The following GPC5 variants were observed in gnomAD, a reference collection of about 807,000 sequenced individuals.
GPC5 encodes glypican 5, also known as glypican-5.
GPC5 carries 47 observed loss-of-function variants against 53.9 expected under a neutral mutation model. The ratio of observed to expected loss-of-function variants is 0.87; its 90% CI spans 0.69 to 1.11. The LOEUF (loss-of-function observed/expected upper bound fraction) is 1.11. GPC5 is among the 50% of genes most tolerant of loss of function. GPC5 has a pLI of 0.00. For synonymous variants in GPC5, 286 were observed against 263.3 expected (o/e 1.09, Z -0.84); for missense variants, 748 against 713.1 (o/e 1.05, Z -0.56).
At chr13:91,629,151 C>T (rs2034089399) in intron 2 of GPC5, among the ~76,000 whole-genome samples, 2 of 152,090 alleles carry the variant, frequency 1.3e-5, no homozygotes, top group Non-Finnish European at 2.9e-5. Flanking sequence ...TTCTGGTTCA[C>T]ACTGAAGCAG....
chr13:91,536,257 C>T (rs1410020593), intron 2 of GPC5, among the ~76,000 whole-genome samples: 1 of 152,036 alleles, frequency 6.6e-6, no homozygotes, highest in Non-Finnish European at 1.5e-5. Context: ...GGAAATGAAC[C>T]AGTGGTTTTC....
At chr13:92,189,681 C>A (rs1397609807) in intron 7 of GPC5, among the ~76,000 whole-genome samples, 1 of 150,996 alleles carries the variant, frequency 6.6e-6, no homozygotes, top group South Asian at 2.1e-4. Context: ...TTGGGCCAGG[C>A]ATTTTTTTTT....
intron 6 of GPC5, among the ~76,000 whole-genome samples, chr13:92,112,372 G>A (rs1327887531): frequency 6.6e-6 from 1 of 152,118 alleles, no homozygotes; most frequent in Non-Finnish European, 1.5e-5. Context: ...TAGTAAGGAA[G>A]TAGATTAAGA....
At chr13:92,724,255 A>C (rs1484943637) in intron 7 of GPC5, among the ~76,000 whole-genome samples, 1 of 151,682 alleles carries the variant, frequency 6.6e-6, no homozygotes, top group Non-Finnish European at 1.5e-5. Flanking sequence ...AGCAAGCTAT[A>C]AGAGAATTTA....
chr13:92,525,146 C>T (rs1881223170), intron 7 of GPC5, among the ~76,000 whole-genome samples: 1 of 151,990 alleles, frequency 6.6e-6, no homozygotes, highest in South Asian at 2.1e-4. Context: ...CTCTGTAGCC[C>T]TCCCATTGAT....
At chr13:92,605,036 C>T (rs151187116) in intron 7 of GPC5, among the ~76,000 whole-genome samples, 1 of 152,260 alleles carries the variant, frequency 6.6e-6, no homozygotes, top group Non-Finnish European at 1.5e-5. Flanking sequence ...ATCTCCCAGA[C>T]GAATTGCTGA....
chr13:91,402,580 C>T (rs1424270164), intron 1 of GPC5, among the ~76,000 whole-genome samples: 6 of 152,154 alleles, frequency 3.9e-5, no homozygotes, highest in Admixed American at 3.3e-4. Flanking sequence ...TCTTGAACCT[C>T]TGTTTTCTCA....
intron 7 of GPC5, among the ~76,000 whole-genome samples, chr13:92,770,966 C>T (rs2138749093): frequency 6.6e-6 from 1 of 152,124 alleles, no homozygotes; most frequent in East Asian, 1.9e-4. Context: ...TTCTATTTCC[C>T]CCTACCTCTC....
intron 7 of GPC5, among the ~76,000 whole-genome samples, chr13:92,519,066 C>A (rs564572103): frequency 1.3e-5 from 2 of 152,176 alleles, no homozygotes; most frequent in African/African-American, 2.4e-5. Context: ...ATCAATTCAA[C>A]AAGAAGACCT....
intron 7 of GPC5, among the ~76,000 whole-genome samples, chr13:92,160,127 C>A (rs1477693733): frequency 6.6e-6 from 1 of 151,892 alleles, no homozygotes; most frequent in African/African-American, 2.4e-5. Context: ...TCAGGCTGTT[C>A]TCAAACTCCT....
At chr13:92,092,012 T>C (rs1240052241) in intron 6 of GPC5, among the ~76,000 whole-genome samples, 3 of 152,218 alleles carry the variant, frequency 2.0e-5, no homozygotes, top group African/African-American at 7.2e-5. Flanking sequence ...ATCTATAATA[T>C]CTATCTATCT....
intron 7 of GPC5, among the ~76,000 whole-genome samples, chr13:92,274,004 T>G (rs1186538525): frequency 6.6e-6 from 1 of 152,176 alleles, no homozygotes; most frequent in Non-Finnish European, 1.5e-5. Flanking sequence ...ACTAGTTTCT[T>G]TAACAACTCT....
intron 7 of GPC5, among the ~76,000 whole-genome samples, chr13:92,771,247 T>C (rs1253046132): frequency 6.6e-6 from 1 of 152,132 alleles, no homozygotes; most frequent in African/African-American, 2.4e-5. Context: ...AAGTCTAGGC[T>C]CACCACTTCG....
At chr13:92,691,874 T>A (rs1887411819) in intron 7 of GPC5, among the ~76,000 whole-genome samples, 1 of 152,186 alleles carries the variant, frequency 6.6e-6, no homozygotes, top group African/African-American at 2.4e-5. Flanking sequence ...GGAAAAACTT[T>A]TTATCAATAT....
chr13:92,456,907 C>G (rs763778338), intron 7 of GPC5, among the ~76,000 whole-genome samples: 1 of 152,194 alleles, frequency 6.6e-6, no homozygotes. Context: ...ACATGAGCAC[C>G]TAGCATGATG....
intron 7 of GPC5, among the ~76,000 whole-genome samples, chr13:92,761,524 A>G (rs1398882594): frequency 2.0e-5 from 3 of 152,294 alleles, no homozygotes; most frequent in South Asian, 4.1e-4. Flanking sequence ...TTTATTTGAT[A>G]TAAGTAGAGT....
chr13:92,151,041 T>C (rs1436564342), intron 7 of GPC5, among the ~76,000 whole-genome samples: 2 of 152,074 alleles, frequency 1.3e-5, no homozygotes, highest in East Asian at 3.9e-4. Context: ...ACAGAGTGGC[T>C]ATTGAAATGG....
At chr13:91,422,962 G>A (rs1878748693) in intron 1 of GPC5, among the ~76,000 whole-genome samples, 1 of 152,160 alleles carries the variant, frequency 6.6e-6, no homozygotes, top group Non-Finnish European at 1.5e-5. Context: ...GTTTCAACAT[G>A]AGTTTCAGAG....
chr13:92,447,242 T>C (rs1255222616), intron 7 of GPC5: 1 of 152,194 alleles, frequency 6.6e-6, no homozygotes, highest in Non-Finnish European at 1.5e-5. Context: ...CCCAAAGTTT[T>C]CTTTTAGTCA....
Sources: gnomAD v4.1 joint callset for allele counts (sites outside exome capture counted in the v4.1 genomes callset) on GRCh38, gnomAD v4.1.1 for gene constraint, MANE v1.5 for transcripts, NCBI Gene and HGNC (gene_info 2026-07-23, HGNC 2026-07-21) for gene names.